The following SYDE2 variants were observed in gnomAD, a reference collection of about 807,000 sequenced individuals.
SYDE2 encodes synapse defective Rho GTPase homolog 2.
SYDE2 carries 76 observed loss-of-function variants against 91.5 expected under a neutral mutation model. The ratio of observed to expected loss-of-function variants is 0.83; its 90% CI spans 0.69 to 1.01. The LOEUF (loss-of-function observed/expected upper bound fraction) is 1.01. Ranked by LOEUF, SYDE2 falls within the 50% of genes least tolerant of loss-of-function variation. The pLI, the probability that SYDE2 is intolerant of heterozygous loss-of-function variation, is 0.00. For synonymous variants in SYDE2, 513 were observed against 506.4 expected (o/e 1.01, Z -0.18); for missense variants, 1,364 against 1,367.7 (o/e 1.00, Z 0.04).
rs1658777016 is a variant in SYDE2, at chr1:85,200,436, T to C, written c.561A>G (p.Thr187=). The part of the protein sequence containing the change: ...GPSFLRPPAV[T]VKKLQKWMYK... Reference sequence around the variant, plus strand: ...ACATCCACTTCTGCAGCTTCTTGACTGTCACTGCCGGCGGCCTGAGGAAGG... The same window carrying C: ...ACATCCACTTCTGCAGCTTCTTGACCGTCACTGCCGGCGGCCTGAGGAAGG... Residue 187 remains threonine (T), a synonymous_variant, in exon 1 of 7, where the codon ACA becomes ACG. Transcript: ENST00000341460. 2 of 1,613,980 alleles carry C rather than the reference T, an allele frequency of 1.2e-6. No homozygotes were observed. Among genetic ancestry groups the C allele is most frequent in the Non-Finnish European group, 1.7e-6 (2 of 1,179,884 alleles).
chr1:85,180,527 T>TA (rs1204633195), intron 3 of SYDE2, among the ~76,000 whole-genome samples: 7 of 151,464 alleles, frequency 4.6e-5, no homozygotes, highest in Admixed American at 1.3e-4. Context: ...CTGTCTCTAC[T>TA]AAAAAAAATA....
At chr1:85,163,006 T>C (rs554197211) in intron 6 of SYDE2, among the ~76,000 whole-genome samples, 4 of 152,322 alleles carry the variant, frequency 2.6e-5, no homozygotes, top group Non-Finnish European at 4.4e-5. Context: ...TTTAAAATAG[T>C]TAAAATAACA....
intron 1 of SYDE2, among the ~76,000 whole-genome samples, chr1:85,191,961 A>G (rs1658388490): frequency 1.3e-5 from 2 of 152,152 alleles, no homozygotes; most frequent in Non-Finnish European, 2.9e-5. Flanking sequence ...TATAATAAAA[A>G]TTCACCGTAC....
chr1:85,181,979 A>G (rs1157767336), intron 3 of SYDE2, 119 bp downstream of exon 3: 1 of 1,103,000 alleles, frequency 9.1e-7, no homozygotes, highest in African/African-American at 1.6e-5. Flanking sequence ...AAAAATAAAG[A>G]ATAGGAATGG....
At position 85,190,534 on chromosome 1, in the gene SYDE2, G is replaced by A. The variant is rs751950712; in HGVS notation, c.964C>T (p.Pro322Ser). The A allele has an allele frequency of 1.9e-6, 3 of 1,613,872 alleles. No homozygotes were observed. Among genetic ancestry groups the A allele is most frequent in the Admixed American group, 3.3e-5 (2 of 60,000 alleles). The change falls in exon 2 of 7, where the codon CCT becomes TCT. Residue 322 changes from proline (P) to serine (S), a missense_variant. Physicochemically the swap from Pro to Ser is moderately conservative, Grantham distance 74. Transcript: ENST00000341460. ...AAAGACTGTGATAGCTGATGTTTAGGTAGAGACACAGGTGAGATGGATAAA... is the reference window on the plus strand; with the variant it reads ...AAAGACTGTGATAGCTGATGTTTAGATAGAGACACAGGTGAGATGGATAAA... Reference protein sequence around the residue: ...SHLSISPVSLPKHQLSQSFLK... With the variant: ...SHLSISPVSLSKHQLSQSFLK...
chr1:85,182,371 T>G lies in SYDE2; in HGVS notation c.2271A>C (p.Arg757=), dbSNP rs755847028. Residue 757 remains arginine, a synonymous_variant, in exon 3 of 7, where the codon CGA becomes CGC. Coordinates refer to ENST00000341460, the MANE Select transcript of SYDE2 (RefSeq NM_032184.2). Reference sequence around the variant, plus strand: ...GAACAACAGTTCCATGACAACAAACTCGATTTTTTCTTGGAGTGGGTTCCC... The same window carrying G: ...GAACAACAGTTCCATGACAACAAACGCGATTTTTTCTTGGAGTGGGTTCCC... The part of the protein sequence containing the change: ...FSWEPTPRKN[R]VCCHGTVVLP... The G allele has an allele frequency of 6.2e-7, 1 of 1,613,880 alleles. No individual in the cohort carries two copies. Among genetic ancestry groups the G allele is most frequent in the South Asian group, 1.1e-5 (1 of 91,062 alleles).
In SYDE2 at chr1:85,169,201, TC is replaced by T. The variant is rs1657408890; in HGVS notation, c.2695del (p.Glu899AsnfsTer6). The T allele has an allele frequency of 1.2e-6, 2 of 1,613,024 alleles. No homozygotes were observed. Among genetic ancestry groups the T allele is most frequent in the Non-Finnish European group, 8.5e-7 (1 of 1,179,602 alleles). ...CTTTGTTATCAGAGGAGAAGGGAGTTCTCTTAAATAATCCTTAAGAACACCT... is the reference window on the plus strand; with the variant it reads ...CTTTGTTATCAGAGGAGAAGGGAGTTTCTTAAATAATCCTTAAGAACACCT... ...ITGVLKDYLR[E>X]LPSPLITKQL... On this transcript the variant is annotated frameshift_variant, in exon 5 of 7. Transcript: ENST00000341460. LOFTEE classifies it high-confidence loss of function.
At chr1:85,182,073 G>C (rs776087778) in intron 3 of SYDE2, 25 bp downstream of exon 3, 4 of 1,541,280 alleles carry the variant, frequency 2.6e-6, no homozygotes, top group Non-Finnish European at 3.5e-6. Flanking sequence ...AAAGGAAGTA[G>C]TAGGGAACCA....
At chr1:85,180,069 T>C (rs1382356649) in intron 3 of SYDE2, among the ~76,000 whole-genome samples, 3 of 152,162 alleles carry the variant, frequency 2.0e-5, no homozygotes, top group Non-Finnish European at 4.4e-5. Context: ...GATGCCTCTA[T>C]GAAAGACAGA....
chr1:85,200,919 G>T lies in SYDE2; in HGVS notation c.78C>A (p.Ala26=), dbSNP rs1014409334. 1 of 1,320,736 alleles carries T rather than the reference G, an allele frequency of 7.6e-7. No homozygotes were observed. Among genetic ancestry groups the T allele is most frequent in the South Asian group, 2.3e-5 (1 of 43,674 alleles). The allele number at this position is 1,320,736 out of a possible 1,614,324, so 81.8% of individuals were successfully genotyped here. A position where few individuals can be genotyped will look rare whatever the true frequency, so the allele number is the denominator to read the frequency against. Residue 26 remains alanine, a synonymous_variant, in exon 1 of 7, where the codon GCC becomes GCA. Transcript: ENST00000341460. The stretch of plus-strand genomic sequence containing the variant: ...GGGAAGGCGGCTGGCCCGGAGCCCG[G>T]GCTCCCGCGGGGAAGCTGTGATCCG... ...GLADHSFPAG[A]RAPGQPPSRG...
chr1:85,154,698 A>C (rs1656837741), downstream of SYDE2, among the ~76,000 whole-genome samples: 4 of 151,966 alleles, frequency 2.6e-5, no homozygotes, highest in South Asian at 8.3e-4. Context: ...CCTGCTTCAA[A>C]ATATATCCAG....
At chr1:85,191,106 T>C (rs980687869) in intron 1 of SYDE2, among the ~76,000 whole-genome samples, 9 of 152,268 alleles carry the variant, frequency 5.9e-5, no homozygotes, top group African/African-American at 1.9e-4. Context: ...TAATCAATAT[T>C]TGAATAAGTT....
chr1:85,176,420 T>C (rs1397397241), intron 4 of SYDE2, among the ~76,000 whole-genome samples: 1 of 152,156 alleles, frequency 6.6e-6, no homozygotes, highest in Non-Finnish European at 1.5e-5. Context: ...AGTTATATAT[T>C]AAATACTTGA....
chr1:85,196,068 A>G (rs970073839), intron 1 of SYDE2, among the ~76,000 whole-genome samples: 6 of 152,186 alleles, frequency 3.9e-5, no homozygotes, highest in Non-Finnish European at 8.8e-5. Flanking sequence ...AATACTTGTT[A>G]GTTAAGCAAG....
intron 3 of SYDE2, among the ~76,000 whole-genome samples, chr1:85,178,921 T>A (rs996428509): frequency 2.0e-5 from 3 of 151,998 alleles, no homozygotes; most frequent in Non-Finnish European, 4.4e-5. Context: ...AAAATTTATA[T>A]AAGATGCACA....
chr1:85,169,986 TGATCACAAAGGA>T (rs1272064498), intron 4 of SYDE2, among the ~76,000 whole-genome samples: 1 of 152,120 alleles, frequency 6.6e-6, no homozygotes, highest in Non-Finnish European at 1.5e-5. Flanking sequence ...GGCTGGCATG[TGATCACAAAGGA>T]AAACAGGAGA....
intron 1 of SYDE2, chr1:85,200,022 A>T: frequency 2.1e-6 from 1 of 483,080 alleles, no homozygotes; most frequent in Non-Finnish European, 2.7e-6. Context: ...TCACAACCTC[A>T]ATTCTTCATG....
downstream of SYDE2, chr1:85,153,894 G>C (rs1656823344): frequency 6.6e-6 from 1 of 152,042 alleles, no homozygotes; most frequent in Non-Finnish European, 1.5e-5. Context: ...CCACCACCTA[G>C]ACCAAAATAT....
intron 4 of SYDE2, among the ~76,000 whole-genome samples, chr1:85,176,934 T>G (rs1657723649): frequency 6.6e-6 from 1 of 152,206 alleles, no homozygotes; most frequent in African/African-American, 2.4e-5. Context: ...ATGGAATTAT[T>G]ATAAACCAGT....
Sources: allele counts gnomAD v4.1 joint callset (sites outside exome capture counted in the v4.1 genomes callset), GRCh38; gene constraint gnomAD v4.1.1; transcripts MANE v1.5; gene names NCBI Gene and HGNC (gene_info 2026-07-23, HGNC 2026-07-21).